The following CNBD1 variants were observed in gnomAD, a reference collection of about 807,000 sequenced individuals.
The protein encoded by CNBD1 is cyclic nucleotide binding domain containing 1.
Under a neutral mutation model 54.4 loss-of-function variants are expected in CNBD1, and 71 were observed. The ratio of observed to expected loss-of-function variants is 1.30; its 90% CI spans 1.08 to 1.59. CNBD1 has a LOEUF of 1.59. Ranked by LOEUF, CNBD1 falls within the 40% of genes most tolerant of loss-of-function variation. The pLI, the probability that CNBD1 is intolerant of heterozygous loss-of-function variation, is 0.00. For missense variants in CNBD1, 659 were observed against 518.0 expected, an observed-to-expected ratio of 1.27 and a Z score of -2.64; for synonymous variants, 182 against 170.7, an observed-to-expected ratio of 1.07 and a Z score of -0.51.
intron 6 of CNBD1, among the ~76,000 whole-genome samples, chr8:87,276,811 G>A (rs767046750): frequency 6.6e-6 from 1 of 150,628 alleles, no homozygotes. Context: ...CCAACAGCTT[G>A]CAAGCATCAT....
At chr8:87,370,296 T>A (rs1810750374) in intron 10 of CNBD1, among the ~76,000 whole-genome samples, 1 of 152,142 alleles carries the variant, frequency 6.6e-6, no homozygotes, top group Non-Finnish European at 1.5e-5. Context: ...CCCTGAGGAA[T>A]CGCCACACTG....
intron 4 of CNBD1, among the ~76,000 whole-genome samples, chr8:87,135,184 G>T (rs1270881121): frequency 6.6e-6 from 1 of 151,846 alleles, no homozygotes; most frequent in African/African-American, 2.4e-5. Context: ...ACAGTAAAAG[G>T]TACATAGTGA....
intron 4 of CNBD1, among the ~76,000 whole-genome samples, chr8:87,161,497 A>G (rs950896660): frequency 6.6e-6 from 1 of 152,154 alleles, no homozygotes; most frequent in East Asian, 1.9e-4. Flanking sequence ...ATAAAATTAT[A>G]AAATATGGAT....
At chr8:87,352,276 C>T (rs1029078807) in intron 9 of CNBD1, among the ~76,000 whole-genome samples, 6 of 151,932 alleles carry the variant, frequency 3.9e-5, no homozygotes, top group African/African-American at 1.2e-4. Flanking sequence ...ATCAGGAGAT[C>T]GAGACCATCC....
intron 4 of CNBD1, among the ~76,000 whole-genome samples, chr8:87,025,588 G>T (rs1377935136): frequency 6.6e-6 from 1 of 150,910 alleles, no homozygotes; most frequent in African/African-American, 2.4e-5. Flanking sequence ...AACAAGTCTG[G>T]ATATGCCACC....
chr8:87,423,662 G>C (rs1444942363), intron 2 of CNBD1, among the ~76,000 whole-genome samples: 1 of 148,614 alleles, frequency 6.7e-6, no homozygotes, highest in African/African-American at 2.5e-5. Flanking sequence ...TTGATATGCT[G>C]CTGGATTCGG....
chr8:87,346,884 G>A (rs1022286178), intron 8 of CNBD1, among the ~76,000 whole-genome samples: 1 of 152,136 alleles, frequency 6.6e-6, no homozygotes, highest in Non-Finnish European at 1.5e-5. Flanking sequence ...TGCCTCACAG[G>A]TGGTATGGAC....
At chr8:86,988,722 T>C (rs1808668842) in intron 4 of CNBD1, among the ~76,000 whole-genome samples, 1 of 152,114 alleles carries the variant, frequency 6.6e-6, no homozygotes, top group Non-Finnish European at 1.5e-5. Flanking sequence ...TCTACCTCCA[T>C]TGATGCAATT....
chr8:87,390,324 G>A (rs1811281807), intron 2 of CNBD1, among the ~76,000 whole-genome samples: 1 of 151,984 alleles, frequency 6.6e-6, no homozygotes, highest in Non-Finnish European at 1.5e-5. Context: ...CTACAGTATG[G>A]GAAAAAATTT....
intron 4 of CNBD1, among the ~76,000 whole-genome samples, chr8:87,045,345 C>G (rs1217324648): frequency 6.6e-6 from 1 of 152,260 alleles, no homozygotes; most frequent in South Asian, 2.1e-4. Flanking sequence ...ATTGTAGCTA[C>G]CTGGGACTGA....
At chr8:86,947,110 A>T (rs1807488154) in intron 4 of CNBD1, among the ~76,000 whole-genome samples, 1 of 152,160 alleles carries the variant, frequency 6.6e-6, no homozygotes, top group African/African-American at 2.4e-5. Flanking sequence ...GTTCTCAGTC[A>T]AACCCTGGGT....
intron 8 of CNBD1, among the ~76,000 whole-genome samples, chr8:87,331,263 C>A (rs1809823633): frequency 6.6e-6 from 1 of 152,080 alleles, no homozygotes; most frequent in Non-Finnish European, 1.5e-5. Flanking sequence ...CGATGTGTGT[C>A]CATGTGTTCT....
chr8:87,060,830 A>G (rs555839872), intron 4 of CNBD1, among the ~76,000 whole-genome samples: 2 of 152,282 alleles, frequency 1.3e-5, no homozygotes, highest in East Asian at 1.9e-4. Context: ...TGTAAATTAA[A>G]GTGGGTGCAG....
At chr8:86,952,402 TGATATACA>T in intron 4 of CNBD1, among the ~76,000 whole-genome samples, 1 of 152,182 alleles carries the variant, frequency 6.6e-6, no homozygotes, top group Non-Finnish European at 1.5e-5. Context: ...TATGTACTGC[TGATATACA>T]GAGCTATCTA....
downstream of CNBD1, among the ~76,000 whole-genome samples, chr8:87,387,793 C>A (rs1195399588): frequency 6.6e-6 from 1 of 152,194 alleles, no homozygotes; most frequent in Non-Finnish European, 1.5e-5. Context: ...CCCAAATCAG[C>A]AGAATATACA....
intron 2 of CNBD1, among the ~76,000 whole-genome samples, chr8:87,399,076 A>G (rs1811456499): frequency 6.6e-6 from 1 of 152,042 alleles, no homozygotes; most frequent in African/African-American, 2.4e-5. Context: ...TATTTCATTT[A>G]TTGATTTCAT....
At chr8:87,344,757 G>C (rs1042272243) in intron 8 of CNBD1, among the ~76,000 whole-genome samples, 2 of 152,078 alleles carry the variant, frequency 1.3e-5, no homozygotes, top group South Asian at 2.1e-4. Context: ...TGAATGCGTT[G>C]CATGGTACCA....
chr8:87,149,667 GAGT>G (rs1252651178), intron 4 of CNBD1, among the ~76,000 whole-genome samples: 1 of 152,104 alleles, frequency 6.6e-6, no homozygotes, highest in African/African-American at 2.4e-5. Flanking sequence ...CTAAGGTAGG[GAGT>G]TCATAGACTG....
At chr8:87,386,549 A>AGGGAAGT (rs556500418), downstream of CNBD1, among the ~76,000 whole-genome samples, 3 of 150,628 alleles carry the variant, frequency 2.0e-5, no homozygotes, top group Admixed American at 6.6e-5. Context: ...TGAAGTGAGA[A>AGGGAAGT]TTAGAGAAAA....
Sources: gnomAD v4.1 joint callset for allele counts (sites outside exome capture counted in the v4.1 genomes callset) on GRCh38, gnomAD v4.1.1 for gene constraint, MANE v1.5 for transcripts, NCBI Gene and HGNC (gene_info 2026-07-23, HGNC 2026-07-21) for gene names.